IPO9: variants seen among roughly 807,000 people sequenced by gnomAD.
The protein encoded by IPO9 is importin 9.
Under a neutral mutation model 128.6 loss-of-function variants are expected in IPO9, and 28 were observed. The ratio of observed to expected loss-of-function variants is 0.22; its 90% CI spans 0.16 to 0.30. The LOEUF is 0.30. Ranked by LOEUF, IPO9 falls within the 10% of genes least tolerant of loss-of-function variation. The probability of loss-of-function intolerance (pLI) is 1.00; values close to 1 mark genes in which losing one functional copy is unlikely to be tolerated. For missense variants in IPO9, 935 were observed against 1,293.9 expected (o/e 0.72, Z 4.26); for synonymous variants, 455 against 475.8 (o/e 0.96, Z 0.57).
Position 201,883,983 on chromosome 1 carries a change from A to G in IPO9, c.*7929A>G, listed in dbSNP as rs1314007019. ...CTGCCAGTTCTAACTTGGGGATTCT[A>G]GTGGGTTGAACCGAACGGTAGTCCG... is the stretch of plus-strand genomic sequence containing the variant. On this transcript the variant is annotated 3_prime_UTR_variant, in exon 24 of 24. Coordinates refer to ENST00000361565, the MANE Select transcript of IPO9 (RefSeq NM_018085.5). 6.6e-6 allele frequency: 1 copy of G among 152,232 alleles called. No individual in the cohort carries two copies. The highest frequency in any genetic ancestry group is 1.5e-5 in the Non-Finnish European group (1 of 68,044). 9.4% of individuals were successfully genotyped at this position (152,232 alleles called of 1,614,324 possible). A position where few individuals can be genotyped will look rare whatever the true frequency, so the allele number is the denominator to read the frequency against.
Position 201,859,001 on chromosome 1 carries a change from T to A in IPO9, c.1468+7T>A. ...GCAGACCTCAACCTCTCAGGTATGT[T>A]TCAGCACGTGCCAGGATTCTAGAAA... On this transcript the variant is annotated splice_region_variant and intron_variant, in intron 13 of 23. Transcript: ENST00000361565. 3.1e-6 allele frequency: 5 copies of A among 1,597,108 alleles called. No homozygotes were observed. Among genetic ancestry groups the A allele is most frequent in the Non-Finnish European group, 4.3e-6 (5 of 1,166,142 alleles).
chr1:201,875,856 C>T, intron 23 of IPO9, 88 bp from the exon 24 acceptor site: 2 of 808,606 alleles, frequency 2.5e-6, no homozygotes, highest in Non-Finnish European at 4.3e-6. Context: ...AACCAGCATT[C>T]CCTGTGCCAT....
chr1:201,876,321 CT>C lies in IPO9; in HGVS notation c.*268del. On this transcript the variant is annotated 3_prime_UTR_variant, in exon 24 of 24. Transcript: ENST00000361565. ...TTTCTCCCCGACTCTACCCCCACCT[CT>C]GTTCCTAGAGCCCTCTGCTGGCGAG... The C allele has an allele frequency of 3.5e-6, 2 of 574,440 alleles. No homozygotes were observed. Among genetic ancestry groups the C allele is most frequent in the South Asian group, 3.7e-5 (2 of 54,368 alleles). 35.6% of individuals were successfully genotyped at this position (574,440 alleles called of 1,614,324 possible). A position where few individuals can be genotyped will look rare whatever the true frequency, so the allele number is the denominator to read the frequency against.
chr1:201,863,431 TTCTG>T lies in IPO9; in HGVS notation c.1469-13_1469-10del. 6.4e-7 allele frequency: 1 copy of T among 1,554,576 alleles called. No individual in the cohort carries two copies. The highest frequency in any genetic ancestry group is 1.3e-5 in the African/African-American group (1 of 74,102). On this transcript the variant is annotated splice_polypyrimidine_tract_variant and intron_variant, in intron 13 of 23. Coordinates refer to ENST00000361565, the MANE Select transcript of IPO9 (RefSeq NM_018085.5). ...ATTTTCATTTTCCAGCCCCTAATTG[TTCTG>T]TCTTTCTCCCAGTGTCTCCTTTCCT...
intron 13 of IPO9, among the ~76,000 whole-genome samples, chr1:201,862,265 C>T (rs1014624148): frequency 6.6e-6 from 1 of 152,252 alleles, no homozygotes; most frequent in African/African-American, 2.4e-5. Context: ...CAAGACCAGC[C>T]TGGCCAACAT....
In IPO9 at chr1:201,874,299, G is replaced by T; in HGVS notation, c.2760G>T (p.Leu920=). ...CTTTGCTGGTCAAGATCCTAAAGCT[G>T]ATCATCAACGAGCTCTCCAACGTCA... is the stretch of plus-strand genomic sequence containing the variant. ...NIPLLVKILK[L]IINELSNVME... Residue 920 remains leucine, a synonymous_variant, in exon 21 of 24, where the codon CTG becomes CTT. Transcript: ENST00000361565. 1 of 1,613,982 alleles carries T rather than the reference G, an allele frequency of 6.2e-7. No homozygotes were observed. Among genetic ancestry groups the T allele is most frequent in the South Asian group, 1.1e-5 (1 of 91,068 alleles).
At chr1:201,853,147 T>G in intron 6 of IPO9, 50 bp downstream of exon 6, 1 of 1,455,898 alleles carries the variant, frequency 6.9e-7, no homozygotes, top group Non-Finnish European at 9.7e-7. Context: ...AAAGTTTTAT[T>G]CATGCAGAGC....
Position 201,871,020 on chromosome 1 carries a change from A to G in IPO9, c.2410-141A>G, listed in dbSNP as rs888445151. The G allele has an allele frequency of 4.7e-6, 6 of 1,273,086 alleles. No individual in the cohort carries two copies. The Admixed American group carries it at 9.2e-5, about 20-fold the overall frequency. The allele number at this position is 1,273,086 out of a possible 1,614,324, so 78.9% of individuals were successfully genotyped here. A position where few individuals can be genotyped will look rare whatever the true frequency, so the allele number is the denominator to read the frequency against. ...CTGTTTGGCCTAAGAAACATGGACA[A>G]GGAAATCTCCCATGTTTTCTTGTCC... On this transcript the variant is annotated intron_variant, in intron 18 of 23. Coordinates refer to ENST00000361565, the MANE Select transcript of IPO9 (RefSeq NM_018085.5).
intron 13 of IPO9, among the ~76,000 whole-genome samples, chr1:201,862,211 A>C (rs1002934842): frequency 6.6e-6 from 1 of 152,142 alleles, no homozygotes; most frequent in Non-Finnish European, 1.5e-5. Flanking sequence ...TAATCTCAGC[A>C]CTTTGGGAGG....
rs1182610706 is a variant in IPO9 at position 201,847,298 on chromosome 1, A to G, written c.183A>G (p.Ala61=). 2.5e-6 allele frequency: 4 copies of G among 1,614,072 alleles called. No homozygotes were observed. The highest frequency in any genetic ancestry group is 1.7e-5 in the Admixed American group (1 of 60,012). Residue 61 remains alanine (A), a synonymous_variant, in exon 2 of 24, where the codon GCA becomes GCG. Coordinates refer to ENST00000361565, the MANE Select transcript of IPO9 (RefSeq NM_018085.5). ...TTTCAGAATTTGGTGTTCACTTGGC[A>G]GAACTGACTGTAGATCCCCAGGGGG... ...EVTEEFGVHL[A]ELTVDPQGAL...
chr1:201,841,396 G>C (rs1680033213), intron 1 of IPO9, among the ~76,000 whole-genome samples: 1 of 152,196 alleles, frequency 6.6e-6, no homozygotes, highest in South Asian at 2.1e-4. Flanking sequence ...GTTAGAGAAA[G>C]AAGTTACAAA....
In IPO9 at chr1:201,863,303, G is replaced by A. The variant is rs1680484632; in HGVS notation, c.1469-145G>A. The A allele has an allele frequency of 7.1e-6, 5 of 700,590 alleles. No individual in the cohort carries two copies. In the East Asian group the frequency reaches 1.4e-4, roughly 20 times the overall value. The allele number at this position is 700,590 out of a possible 1,614,324, so 43.4% of individuals were successfully genotyped here. On this transcript the variant is annotated intron_variant, in intron 13 of 23. Transcript: ENST00000361565. Reference sequence around the variant, plus strand: ...GGGGACGGAGGTTGCAGTGAGCCGAGATCACGCCATCGCACTCCATCCTGG... The same window carrying A: ...GGGGACGGAGGTTGCAGTGAGCCGAAATCACGCCATCGCACTCCATCCTGG...
chr1:201,868,275 A>G (rs1680591360), intron 15 of IPO9, among the ~76,000 whole-genome samples: 2 of 149,090 alleles, frequency 1.3e-5, no homozygotes, highest in African/African-American at 4.9e-5. Context: ...CAATTTTTGC[A>G]GCTTTCATGT....
Position 201,876,361 on chromosome 1 carries a change from T to C in IPO9, c.*307T>C. 1 of 477,704 alleles carries C rather than the reference T, an allele frequency of 2.1e-6. No homozygotes were observed. The highest frequency in any genetic ancestry group is 3.9e-6 in the Non-Finnish European group (1 of 257,884). 29.6% of individuals were successfully genotyped at this position (477,704 alleles called of 1,614,324 possible). On this transcript the variant is annotated 3_prime_UTR_variant, in exon 24 of 24. Transcript: ENST00000361565. ...TCTGCTGGCGAGTCCAGAAACATTA[T>C]TGCCCAGAAGGATTATGTGTTTATG...
intron 20 of IPO9, 92 bp downstream of exon 20, chr1:201,873,053 T>C: frequency 7.4e-7 from 1 of 1,345,350 alleles, no homozygotes; most frequent in Non-Finnish European, 9.9e-7. Flanking sequence ...TGGTGTATAT[T>C]TTTAAAACAA....
chr1:201,876,306 A>T lies in IPO9; in HGVS notation c.*252A>T, dbSNP rs1680762001. 1.7e-6 allele frequency: 1 copy of T among 601,116 alleles called. No individual in the cohort carries two copies. Among genetic ancestry groups the T allele is most frequent in the South Asian group, 1.8e-5 (1 of 56,286 alleles). 37.2% of individuals were successfully genotyped at this position (601,116 alleles called of 1,614,324 possible). ...ATCTCTAGAACCTTTTTTCTCCCCG[A>T]CTCTACCCCCACCTCTGTTCCTAGA... On this transcript the variant is annotated 3_prime_UTR_variant, in exon 24 of 24. Transcript: ENST00000361565.
chr1:201,855,665 C>CATT, intron 9 of IPO9, 118 bp from the exon 10 acceptor site: 2 of 888,468 alleles, frequency 2.3e-6, no homozygotes, highest in Admixed American at 6.5e-5. Flanking sequence ...CAGGAATGAT[C>CATT]ATTAGCAAGT....
At chr1:201,867,094 C>A in intron 15 of IPO9, 135 bp downstream of exon 15, 1 of 718,960 alleles carries the variant, frequency 1.4e-6, no homozygotes, top group Non-Finnish European at 2.3e-6. Context: ...AAGAATCTGG[C>A]TTTCAATTAG....
chr1:201,865,252 A>G (rs750654715), intron 14 of IPO9, among the ~76,000 whole-genome samples: 9 of 136,682 alleles, frequency 6.6e-5, no homozygotes, highest in Non-Finnish European at 1.4e-4. Context: ...TCTGTCGCCC[A>G]GGCTGGAGTG....
Sources: gnomAD v4.1 joint callset for allele counts (sites outside exome capture counted in the v4.1 genomes callset) on GRCh38, gnomAD v4.1.1 for gene constraint, MANE v1.5 for transcripts, NCBI Gene and HGNC (gene_info 2026-07-23, HGNC 2026-07-21) for gene names.